The following CDH8 variants were observed in gnomAD, a reference collection of about 807,000 sequenced individuals.
CDH8 encodes cadherin 8.
A neutral mutation model predicts 68.1 loss-of-function variants in CDH8; 17 were observed. The ratio of observed to expected loss-of-function variants is 0.25; its 90% CI spans 0.17 to 0.37. CDH8 has a LOEUF of 0.37. Ranked by LOEUF, CDH8 falls within the 10% of genes least tolerant of loss-of-function variation. The pLI is 1.00. For missense variants in CDH8, 763 were observed against 999.3 expected, an observed-to-expected ratio of 0.76 and a Z score of 3.19; for synonymous variants, 372 against 365.1, an observed-to-expected ratio of 1.02 and a Z score of -0.21.
intron 8 of CDH8, among the ~76,000 whole-genome samples, chr16:61,782,214 G>T (rs929920624): frequency 1.3e-5 from 2 of 152,176 alleles, no homozygotes; most frequent in African/African-American, 2.4e-5. Context: ...GACAGTGGGC[G>T]CAGGCCAGTG....
At chr16:61,654,156 C>A in intron 11 of CDH8, 55 bp from the exon 12 acceptor site, 1 of 1,516,650 alleles carries the variant, frequency 6.6e-7, no homozygotes, top group Non-Finnish European at 9.0e-7. Flanking sequence ...ATTTCACAAG[C>A]AACACACTAT....
intron 6 of CDH8, among the ~76,000 whole-genome samples, chr16:61,819,332 T>C (rs1200126595): frequency 6.6e-6 from 1 of 151,882 alleles, no homozygotes; most frequent in East Asian, 1.9e-4. Context: ...TAACAGCAAA[T>C]AAAAATAAAG....
chr16:61,748,982 TG>T (rs757263754), intron 8 of CDH8, among the ~76,000 whole-genome samples: 8 of 152,106 alleles, frequency 5.3e-5, no homozygotes, highest in Non-Finnish European at 1.0e-4. Flanking sequence ...AAATCATTAT[TG>T]TCTTTCTAAT....
chr16:61,869,327 G>T (rs1054288752), intron 3 of CDH8, among the ~76,000 whole-genome samples: 1 of 152,146 alleles, frequency 6.6e-6, no homozygotes, highest in East Asian at 1.9e-4. Flanking sequence ...TAACCTAGGC[G>T]TGTTGCAGGA....
intron 4 of CDH8, among the ~76,000 whole-genome samples, chr16:61,828,191 G>A (rs28581985): frequency 0.98 from 148,858 of 151,888 alleles, 72,967 homozygotes; most frequent in Middle Eastern, 1. Context: ...CACTCCCACC[G>A]GCACCATGAC....
At chr16:61,821,650 C>T (rs1962217580) in intron 5 of CDH8, among the ~76,000 whole-genome samples, 1 of 152,024 alleles carries the variant, frequency 6.6e-6, no homozygotes, top group Non-Finnish European at 1.5e-5. Context: ...TGTTCAGACA[C>T]ATGAAACACT....
Position 61,715,276 on chromosome 16 carries a change from C to T in CDH8, c.1537-1318G>A, listed in dbSNP as rs554232812. 2.0e-5 allele frequency among the ~76,000 whole-genome samples: 3 copies of T among 151,520 alleles called. No homozygotes were observed. The East Asian group carries it at 5.9e-4, about 30-fold the overall frequency. On this transcript the variant is annotated intron_variant, in intron 9 of 11. Transcript: ENST00000577390. ...TAACATAAAATAATTTAAAGTATAA[C>T]TCATGGTTAAGACAGTGAGATAGTC...
At chr16:61,727,462 A>G (rs1479531350) in intron 8 of CDH8, among the ~76,000 whole-genome samples, 2 of 151,142 alleles carry the variant, frequency 1.3e-5, no homozygotes, top group East Asian at 3.9e-4. Context: ...TTCTGAATAA[A>G]TTAAAAGAGG....
At chr16:61,900,133 CTTTTT>C (rs773479974) in intron 3 of CDH8, among the ~76,000 whole-genome samples, 1 of 151,854 alleles carries the variant, frequency 6.6e-6, no homozygotes, top group Non-Finnish European at 1.5e-5. Context: ...GATCATATTT[CTTTTT>C]TTTATTTTTT....
At chr16:62,011,227 C>T (rs1901805022) in intron 2 of CDH8, among the ~76,000 whole-genome samples, 1 of 152,142 alleles carries the variant, frequency 6.6e-6, no homozygotes, top group South Asian at 2.1e-4. Context: ...GATTTCAGAA[C>T]ACACCTGCTG....
At chr16:61,832,274 A>G (rs1220123447) in intron 4 of CDH8, among the ~76,000 whole-genome samples, 1 of 151,612 alleles carries the variant, frequency 6.6e-6, no homozygotes, top group Non-Finnish European at 1.5e-5. Flanking sequence ...TTTCTTTGTG[A>G]CTAATAATTT....
At chr16:61,921,614 G>A (rs765733403) in intron 2 of CDH8, among the ~76,000 whole-genome samples, 37 of 152,262 alleles carry the variant, frequency 2.4e-4, no homozygotes, top group Non-Finnish European at 4.9e-4. Flanking sequence ...ATAAAATCTG[G>A]AAGTTCTACA....
chr16:61,790,837 T>C (rs1199909168), intron 7 of CDH8, among the ~76,000 whole-genome samples: 2 of 151,964 alleles, frequency 1.3e-5, no homozygotes, highest in African/African-American at 4.8e-5. Flanking sequence ...GATAAATAAC[T>C]ATACAGCAAG....
intron 2 of CDH8, among the ~76,000 whole-genome samples, chr16:61,990,977 G>A (rs899140547): frequency 2.6e-5 from 4 of 151,710 alleles, no homozygotes; most frequent in Admixed American, 6.6e-5. Flanking sequence ...GAAAGAGAAA[G>A]AAAGGAAGGA....
intron 5 of CDH8, 106 bp from the exon 6 acceptor site, chr16:61,821,219 G>T: frequency 2.9e-6 from 2 of 691,350 alleles, no homozygotes; most frequent in Non-Finnish European, 4.7e-6. Flanking sequence ...CATTCCTATA[G>T]ATGCTACCAA....
intron 2 of CDH8, among the ~76,000 whole-genome samples, chr16:62,020,940 A>G (rs1035741368): frequency 6.6e-6 from 1 of 151,696 alleles, no homozygotes; most frequent in Non-Finnish European, 1.5e-5. Context: ...AGCCGGGTGG[A>G]AGAGGTGGTA....
At chr16:61,941,677 G>A (rs1320957034) in intron 2 of CDH8, among the ~76,000 whole-genome samples, 1 of 152,166 alleles carries the variant, frequency 6.6e-6, no homozygotes, top group Non-Finnish European at 1.5e-5. Context: ...CCTAACCTCA[G>A]GTGATCCACC....
At chr16:61,985,024 A>C (rs1045115458) in intron 2 of CDH8, among the ~76,000 whole-genome samples, 1 of 152,026 alleles carries the variant, frequency 6.6e-6, no homozygotes, top group African/African-American at 2.4e-5. Flanking sequence ...GTTATTACTG[A>C]GTGAGTACAA....
intron 2 of CDH8, among the ~76,000 whole-genome samples, chr16:61,919,135 A>G (rs1252932720): frequency 2.1e-5 from 3 of 145,744 alleles, no homozygotes; most frequent in Non-Finnish European, 3.0e-5. Context: ...TAACAAACAG[A>G]AAGGACATCC....
Sources: gnomAD v4.1 joint callset for allele counts (sites outside exome capture counted in the v4.1 genomes callset) on GRCh38, gnomAD v4.1.1 for gene constraint, MANE v1.5 for transcripts, NCBI Gene and HGNC (gene_info 2026-07-23, HGNC 2026-07-21) for gene names.